Variants in LMX1A observed in about 807,000 individuals in gnomAD.
LMX1A encodes the protein LIM homeobox transcription factor 1-alpha.
Under a neutral mutation model 49.1 loss-of-function variants are expected in LMX1A, and 15 were observed. The ratio of observed to expected loss-of-function variants is 0.31; its 90% CI spans 0.20 to 0.47. The LOEUF is 0.47. Ranked by LOEUF, LMX1A falls within the 20% of genes least tolerant of loss-of-function variation. The pLI, the probability that LMX1A is intolerant of heterozygous loss-of-function variation, is 1.00. For missense variants in LMX1A, 372 were observed against 475.8 expected (o/e 0.78, Z 2.03); for synonymous variants, 167 against 185.7 (o/e 0.90, Z 0.82).
rs531850404 is a variant in LMX1A at position 165,347,801 on chromosome 1, A to G, written c.263+5275T>C. 1.7e-4 allele frequency among the ~76,000 whole-genome samples: 26 copies of G among 152,346 alleles called. No individual in the cohort carries two copies. The South Asian group carries it at 5.4e-3, about 32-fold the overall frequency. ...TGCATTTATTCTAAGATGCTTTAGT[A>G]AATTTCTGATCATATCATGAGTATT... On this transcript the variant is annotated intron_variant, in intron 3 of 8. Transcript: ENST00000342310.
In LMX1A at chr1:165,289,489, A is replaced by T. The variant is rs144747523; in HGVS notation, c.264-39849T>A. ...GGTTGCCAAGGCTCCCTGGCTTCAAATCTTACCTACCTCTTCTCCCATAAT... is the reference window on the plus strand; with the variant it reads ...GGTTGCCAAGGCTCCCTGGCTTCAATTCTTACCTACCTCTTCTCCCATAAT... On this transcript the variant is annotated intron_variant, in intron 3 of 8. Transcript: ENST00000342310. Among the ~76,000 whole-genome samples the T allele has an allele frequency of 1.4e-3, 211 of 152,344 alleles. 1 individual carries two copies. The highest frequency in any genetic ancestry group is 4.9e-3 in the African/African-American group (202 of 41,590).
chr1:165,281,876 A>T (rs984795838), intron 3 of LMX1A, among the ~76,000 whole-genome samples: 1 of 152,100 alleles, frequency 6.6e-6, no homozygotes, highest in African/African-American at 2.4e-5. Flanking sequence ...TGACTTTTAG[A>T]TTATCCATAT....
chr1:165,249,715 A>G (rs1652987243), intron 3 of LMX1A, 75 bp from the exon 4 acceptor site: 1 of 1,060,338 alleles, frequency 9.4e-7, no homozygotes, highest in Admixed American at 2.0e-5. Flanking sequence ...CCTGAAGTCA[A>G]CAGCAAAAGG....
intron 3 of LMX1A, among the ~76,000 whole-genome samples, chr1:165,321,078 C>T (rs1244323134): frequency 2.0e-5 from 3 of 152,184 alleles, no homozygotes; most frequent in Admixed American, 1.3e-4. Flanking sequence ...GAATGCAGTA[C>T]TGATACGTGC....
chr1:165,323,190 A>G (rs1446913383), intron 3 of LMX1A, among the ~76,000 whole-genome samples: 2 of 152,170 alleles, frequency 1.3e-5, no homozygotes, highest in East Asian at 1.9e-4. Context: ...TAATAAATAT[A>G]TGTATCAAAA....
Position 165,275,404 on chromosome 1 carries a change from G to A in LMX1A, c.264-25764C>T, listed in dbSNP as rs144581602. 3.0e-3 allele frequency among the ~76,000 whole-genome samples: 455 copies of A among 152,312 alleles called. 3 individuals carry two copies. The highest frequency in any genetic ancestry group is 0.01 in the African/African-American group (418 of 41,566). ...GTTGGAGAGCCCACTGCAACTGCTC[G>A]TTAGCATTTGTGGGAAACATCCCAG... On this transcript the variant is annotated intron_variant, in intron 3 of 8. Transcript: ENST00000342310.
chr1:165,263,609 C>T (rs982577855), intron 3 of LMX1A, among the ~76,000 whole-genome samples: 14 of 152,212 alleles, frequency 9.2e-5, no homozygotes, highest in African/African-American at 2.9e-4. Context: ...CTCAATGGAC[C>T]ACTTGCTTCC....
At chr1:165,251,111 C>T (rs1488039904) in intron 3 of LMX1A, among the ~76,000 whole-genome samples, 1 of 148,160 alleles carries the variant, frequency 6.7e-6, no homozygotes, top group East Asian at 2.0e-4. Context: ...GAGACAGAGT[C>T]TCACTTTGTC....
chr1:165,291,064 G>A (rs1437172666), intron 3 of LMX1A, among the ~76,000 whole-genome samples: 1 of 152,146 alleles, frequency 6.6e-6, no homozygotes. Context: ...GGTTAAAAAT[G>A]GCTCAGAATT....
At chr1:165,280,141 C>T (rs1386947469) in intron 3 of LMX1A, among the ~76,000 whole-genome samples, 1 of 152,158 alleles carries the variant, frequency 6.6e-6, no homozygotes, top group African/African-American at 2.4e-5. Flanking sequence ...GCTGCATGTT[C>T]GTAAAATGTA....
chr1:165,306,500 C>T (rs1242964497), intron 3 of LMX1A, among the ~76,000 whole-genome samples: 1 of 152,234 alleles, frequency 6.6e-6, no homozygotes, highest in Non-Finnish European at 1.5e-5. Flanking sequence ...GTTGCCCCTG[C>T]CCACCCAGAG....
chr1:165,283,246 T>C (rs1302015214), intron 3 of LMX1A, among the ~76,000 whole-genome samples: 1 of 152,212 alleles, frequency 6.6e-6, no homozygotes, highest in Non-Finnish European at 1.5e-5. Context: ...CTGTACAGGT[T>C]TGTAACATAG....
chr1:165,275,461 G>A (rs547066755), intron 3 of LMX1A, among the ~76,000 whole-genome samples: 96 of 152,292 alleles, frequency 6.3e-4, no homozygotes, highest in African/African-American at 2.3e-3. Flanking sequence ...CGCTAAATCC[G>A]ACTGGGGTGA....
intron 5 of LMX1A, chr1:165,211,326 CG>C (rs1344362903): frequency 6.6e-6 from 1 of 152,250 alleles, no homozygotes; most frequent in Non-Finnish European, 1.5e-5. Context: ...ATCTGGAACC[CG>C]GCAGAGCCAG....
At chr1:165,267,291 AATGTTTTCTAGGTTCATTGCATTCAGT>A (rs1653656717) in intron 3 of LMX1A, among the ~76,000 whole-genome samples, 1 of 152,160 alleles carries the variant, frequency 6.6e-6, no homozygotes, top group South Asian at 2.1e-4. Context: ...CACTTAGCAC[AATGTTTTCTAGGTTCATTGCATTCAGT>A]AGCATATATC....
chr1:165,286,370 G>A (rs1329273936), intron 3 of LMX1A, among the ~76,000 whole-genome samples: 3 of 152,172 alleles, frequency 2.0e-5, no homozygotes, highest in Admixed American at 6.5e-5. Context: ...AGCCAGGGAA[G>A]AGCCAGGGTG....
At chr1:165,290,499 G>A (rs1194792657) in intron 3 of LMX1A, among the ~76,000 whole-genome samples, 5 of 151,930 alleles carry the variant, frequency 3.3e-5, no homozygotes, top group Non-Finnish European at 5.9e-5. Flanking sequence ...AAACCCTTGC[G>A]ATAGCATTTC....
chr1:165,230,319 G>T (rs1652194778), intron 4 of LMX1A, among the ~76,000 whole-genome samples: 1 of 152,272 alleles, frequency 6.6e-6, no homozygotes, highest in South Asian at 2.1e-4. Context: ...TGTTCTTTTT[G>T]CATAATGATT....
At chr1:165,266,904 TTG>T (rs1653643188) in intron 3 of LMX1A, among the ~76,000 whole-genome samples, 1 of 151,778 alleles carries the variant, frequency 6.6e-6, no homozygotes, top group Non-Finnish European at 1.5e-5. Flanking sequence ...CCCGGCTTGC[TTG>T]CTTGCTTGCT....
Sources: allele counts gnomAD v4.1 joint callset (sites outside exome capture counted in the v4.1 genomes callset), GRCh38; gene constraint gnomAD v4.1.1; transcripts MANE v1.5; gene names NCBI Gene and HGNC (gene_info 2026-07-23, HGNC 2026-07-21).